The following OPN3 variants were observed in gnomAD, a reference collection of about 807,000 sequenced individuals.
OPN3 encodes the protein opsin-3.
OPN3 carries 29 observed loss-of-function variants against 33.8 expected under a neutral mutation model. The ratio of observed to expected loss-of-function variants is 0.86; its 90% CI spans 0.64 to 1.17. OPN3 has a LOEUF of 1.17. OPN3 is among the 50% of genes most tolerant of loss of function. The pLI, the probability that OPN3 is intolerant of heterozygous loss-of-function variation, is 0.00. For missense variants in OPN3, 437 were observed against 514.1 expected (o/e 0.85, Z 1.45); for synonymous variants, 216 against 216.1 (o/e 1.00, Z 0.00).
intron 1 of OPN3, among the ~76,000 whole-genome samples, chr1:241,626,155 G>C (rs1664413266): frequency 1.3e-5 from 2 of 152,334 alleles, no homozygotes; most frequent in South Asian, 4.1e-4. Context: ...CCAGGACTAT[G>C]ATTGCGATAT....
At chr1:241,625,705 T>G (rs923904662) in intron 1 of OPN3, among the ~76,000 whole-genome samples, 6 of 152,172 alleles carry the variant, frequency 3.9e-5, no homozygotes, top group African/African-American at 1.4e-4. Flanking sequence ...AAGACAGCAG[T>G]TCCTATCAAC....
At chr1:241,634,842 G>T (rs1037067438) in intron 1 of OPN3, 1 of 1,611,458 alleles carries the variant, frequency 6.2e-7, no homozygotes, top group Admixed American at 1.7e-5. Context: ...TCAGGATGTT[G>T]TTCATACTCT....
At chr1:241,595,438 C>A (rs1183980875) in intron 3 of OPN3, 1 of 152,208 alleles carries the variant, frequency 6.6e-6, no homozygotes, top group Non-Finnish European at 1.5e-5. Context: ...TTAGACTGAA[C>A]TGTGACCTGA....
In OPN3 at chr1:241,611,068, G is replaced by T. The variant is rs1032328800; in HGVS notation, c.374-6489C>A. 2.6e-5 allele frequency among the ~76,000 whole-genome samples: 4 copies of T among 152,138 alleles called. No homozygotes were observed. In the East Asian group the frequency reaches 5.8e-4, roughly 22 times the overall value. The stretch of plus-strand genomic sequence containing the variant: ...TAGTAGAAAGTGGGTGGAAGGCATG[G>T]GAGTGGACAGGGCTCTGGAGGTTAA... On this transcript the variant is annotated intron_variant, in intron 1 of 3. Transcript: ENST00000366554.
At chr1:241,630,406 CCAAA>C (rs889347877) in intron 1 of OPN3, 14 of 152,028 alleles carry the variant, frequency 9.2e-5, no homozygotes, top group Non-Finnish European at 1.5e-4. Context: ...ATATTAATAA[CCAAA>C]CACACTTTTT....
intron 1 of OPN3, among the ~76,000 whole-genome samples, chr1:241,610,825 T>C (rs1353312559): frequency 6.6e-6 from 1 of 152,186 alleles, no homozygotes; most frequent in East Asian, 1.9e-4. Flanking sequence ...TCATTTTTTT[T>C]CACATAATTA....
chr1:241,639,986 AC>A lies in OPN3; in HGVS notation c.268del (p.Val90CysfsTer14). The A allele has an allele frequency of 6.2e-7, 1 of 1,612,776 alleles. No homozygotes were observed. Among genetic ancestry groups the A allele is most frequent in the Admixed American group, 1.7e-5 (1 of 59,894 alleles). ...LVNISLSDLL[V>X]SLFGVTFTFV... is the part of the protein sequence containing the mutation. ...GGTAAAGGTGACCCCGAAGAGGGAC[AC>A]CAGCAGGTCGCTGAGGCTGATGTTG... On this transcript the variant is annotated frameshift_variant, in exon 1 of 4. Coordinates refer to ENST00000366554, the MANE Select transcript of OPN3 (RefSeq NM_014322.3). LOFTEE classifies it high-confidence loss of function.
intron 1 of OPN3, chr1:241,633,717 T>C (rs552237608): frequency 6.9e-7 from 1 of 1,452,080 alleles, no homozygotes; most frequent in South Asian, 1.2e-5. Context: ...TAATTACTCA[T>C]ATGGGAAACT....
intron 1 of OPN3, among the ~76,000 whole-genome samples, chr1:241,614,972 C>G (rs1013722537): frequency 6.6e-6 from 1 of 152,172 alleles, no homozygotes; most frequent in Non-Finnish European, 1.5e-5. Flanking sequence ...TGGAATAGGA[C>G]CTCATTAGAA....
rs564115299 is a variant in OPN3 at position 241,593,355 on chromosome 1, C to G, written c.*1073G>C. The G allele has an allele frequency of 2.2e-4, 97 of 437,190 alleles. No homozygotes were observed. The highest frequency in any genetic ancestry group is 4.3e-4 in the Non-Finnish European group (87 of 202,632). 27.1% of individuals were successfully genotyped at this position (437,190 alleles called of 1,614,324 possible). A position where few individuals can be genotyped will look rare whatever the true frequency, so the allele number is the denominator to read the frequency against. On this transcript the variant is annotated 3_prime_UTR_variant, in exon 4 of 4. Transcript: ENST00000366554. ...GAAATGTTTTCTTTGGTTCATCCTTCTTTAACAGGCTGCTGAGTCACTCAG... is the reference window on the plus strand; with the variant it reads ...GAAATGTTTTCTTTGGTTCATCCTTGTTTAACAGGCTGCTGAGTCACTCAG...
rs1440016117 is a variant in OPN3, at chr1:241,634,591, C to A, written c.373+5291G>T. 3 of 1,613,756 alleles carry A rather than the reference C, an allele frequency of 1.9e-6. No individual in the cohort carries two copies. The Admixed American group carries it at 5.0e-5, about 27-fold the overall frequency. On this transcript the variant is annotated intron_variant, in intron 1 of 3. Coordinates refer to ENST00000366554, the MANE Select transcript of OPN3 (RefSeq NM_014322.3). ...AATAGATTCCACCAAAAACTGCACA[C>A]ATCCTACAGAAACCCTGGGGAATTT...
rs569207033 is a variant in OPN3 at position 241,640,278 on chromosome 1, G to A, written c.-24C>T. On this transcript the variant is annotated 5_prime_UTR_variant, in exon 1 of 4. Transcript: ENST00000366554. ...ATGGCCCGGCGCCGGCGCGCCTGGCGGGCGGAGGCGCTCAGCTTGCGGCGG... is the reference window on the plus strand; with the variant it reads ...ATGGCCCGGCGCCGGCGCGCCTGGCAGGCGGAGGCGCTCAGCTTGCGGCGG... The A allele has an allele frequency of 6.0e-6, 7 of 1,168,472 alleles. No homozygotes were observed. The East Asian group carries it at 1.6e-4, about 27-fold the overall frequency. The allele number at this position is 1,168,472 out of a possible 1,614,324, so 72.4% of individuals were successfully genotyped here.
In OPN3 at chr1:241,615,259, T is replaced by C. The variant is rs146023587; in HGVS notation, c.374-10680A>G. Among the ~76,000 whole-genome samples the C allele has an allele frequency of 4.0e-3, 592 of 149,580 alleles. 6 individuals are homozygous for C. The highest frequency in any genetic ancestry group is 0.014 in the African/African-American group (565 of 40,614). On this transcript the variant is annotated intron_variant, in intron 1 of 3. Coordinates refer to ENST00000366554, the MANE Select transcript of OPN3 (RefSeq NM_014322.3). ...GAAAGCACTTAACAGGAACTGAGAA[T>C]TCTAAATTCTAATCCTAAATCAACT...
At chr1:241,624,178 C>T (rs1174124922) in intron 1 of OPN3, among the ~76,000 whole-genome samples, 1 of 150,960 alleles carries the variant, frequency 6.6e-6, no homozygotes, top group Admixed American at 6.6e-5. Flanking sequence ...TGTCCTGCCT[C>T]TCCACGCCAG....
intron 1 of OPN3, among the ~76,000 whole-genome samples, chr1:241,624,593 C>T (rs888036001): frequency 6.6e-6 from 1 of 152,204 alleles, no homozygotes; most frequent in African/African-American, 2.4e-5. Context: ...CGTTCCAGTA[C>T]TTACAGATTC....
At chr1:241,623,427 T>C (rs139937327) in intron 1 of OPN3, among the ~76,000 whole-genome samples, 1 of 152,304 alleles carries the variant, frequency 6.6e-6, no homozygotes, top group Non-Finnish European at 1.5e-5. Context: ...TCATCTTCCA[T>C]ATGGACACAA....
intron 1 of OPN3, chr1:241,630,918 T>C (rs1664608336): frequency 6.6e-6 from 1 of 152,068 alleles, no homozygotes; most frequent in South Asian, 2.1e-4. Context: ...TATTTGTTGC[T>C]GTATTGTTTG....
intron 1 of OPN3, among the ~76,000 whole-genome samples, chr1:241,607,577 A>T (rs1408905941): frequency 8.4e-6 from 1 of 118,466 alleles, no homozygotes; most frequent in Non-Finnish European, 1.8e-5. Flanking sequence ...GAAAGAAAGA[A>T]AAGAAAGAAA....
At chr1:241,619,302 A>G (rs1337351616) in intron 1 of OPN3, among the ~76,000 whole-genome samples, 1 of 152,210 alleles carries the variant, frequency 6.6e-6, no homozygotes, top group Non-Finnish European at 1.5e-5. Flanking sequence ...TGCACGGGAC[A>G]CTAAAGGTAA....
Sources: gnomAD v4.1 joint callset for allele counts (sites outside exome capture counted in the v4.1 genomes callset) on GRCh38, gnomAD v4.1.1 for gene constraint, MANE v1.5 for transcripts, NCBI Gene and HGNC (gene_info 2026-07-23, HGNC 2026-07-21) for gene names.